Variants in RFX7 observed in about 807,000 individuals in gnomAD.
RFX7 encodes regulatory factor X7.
Under a neutral mutation model 111.8 loss-of-function variants are expected in RFX7, and 26 were observed. The ratio of observed to expected loss-of-function variants is 0.23; its 90% CI spans 0.17 to 0.32. RFX7 has a LOEUF of 0.32. Ranked by LOEUF, RFX7 falls within the 10% of genes least tolerant of loss-of-function variation. The pLI is 1.00. For synonymous variants in RFX7, 624 were observed against 624.4 expected (o/e 1.00, Z 0.01); for missense variants, 1,573 against 1,772.9 (o/e 0.89, Z 2.02).
At chr15:56,193,570 T>G (rs1425501492) in intron 2 of RFX7, among the ~76,000 whole-genome samples, 1 of 152,186 alleles carries the variant, frequency 6.6e-6, no homozygotes, top group Non-Finnish European at 1.5e-5. Flanking sequence ...TGGTATTAGA[T>G]TTTAAAAAAC....
intron 3 of RFX7, among the ~76,000 whole-genome samples, chr15:56,148,692 T>G (rs1285601382): frequency 6.6e-6 from 1 of 152,236 alleles, no homozygotes; most frequent in Non-Finnish European, 1.5e-5. Context: ...TCTGCTCACC[T>G]ACATTTCTCA....
intron 2 of RFX7, among the ~76,000 whole-genome samples, chr15:56,204,351 G>A (rs2043228782): frequency 6.6e-6 from 1 of 152,034 alleles, no homozygotes; most frequent in African/African-American, 2.4e-5. Flanking sequence ...AACATACGTT[G>A]TATCTATTTG....
chr15:56,109,350 C>T (rs759449391), intron 5 of RFX7, among the ~76,000 whole-genome samples: 1 of 152,272 alleles, frequency 6.6e-6, no homozygotes, highest in African/African-American at 2.4e-5. Flanking sequence ...ACTCAGTGCT[C>T]ATTGGTGCCC....
chr15:56,232,710 G>A (rs2043578103), intron 2 of RFX7, among the ~76,000 whole-genome samples: 1 of 152,124 alleles, frequency 6.6e-6, no homozygotes, highest in South Asian at 2.1e-4. Context: ...TTGCTGCATA[G>A]AAATTGCTTC....
intron 2 of RFX7, among the ~76,000 whole-genome samples, chr15:56,221,679 A>G (rs900867689): frequency 2.6e-5 from 4 of 151,776 alleles, no homozygotes; most frequent in African/African-American, 9.7e-5. Flanking sequence ...TATCACCTCT[A>G]TTGGCTTTTT....
intron 5 of RFX7, among the ~76,000 whole-genome samples, chr15:56,115,933 A>T (rs2042003660): frequency 6.8e-6 from 1 of 146,590 alleles, no homozygotes; most frequent in Non-Finnish European, 1.5e-5. Context: ...ACAGAGCGAG[A>T]CTCCGTCTCA....
intron 5 of RFX7, among the ~76,000 whole-genome samples, chr15:56,131,029 G>A (rs1037496242): frequency 6.6e-6 from 1 of 151,792 alleles, no homozygotes; most frequent in East Asian, 1.9e-4. Flanking sequence ...CTGTTCCAGA[G>A]CACAGAAAAT....
chr15:56,087,925 G>A lies in RFX7; in HGVS notation c.*5420C>T. On this transcript the variant is annotated 3_prime_UTR_variant, in exon 10 of 10. Transcript: ENST00000559447. ...GAGTATACCTGTATGAAATATGCTT[G>A]AAAAGCTGTGTGGAAAACAAAATTT... is the stretch of plus-strand genomic sequence containing the variant. 1 of 331,500 alleles carries A rather than the reference G, an allele frequency of 3.0e-6. No individual in the cohort carries two copies. Among genetic ancestry groups the A allele is most frequent in the Non-Finnish European group, 5.9e-6 (1 of 170,428 alleles). 20.5% of individuals were successfully genotyped at this position (331,500 alleles called of 1,614,324 possible).
At chr15:56,141,345 G>C (rs759084262) in intron 5 of RFX7, among the ~76,000 whole-genome samples, 1 of 151,798 alleles carries the variant, frequency 6.6e-6, no homozygotes, top group Non-Finnish European at 1.5e-5. Context: ...CAGCCTAGGT[G>C]ACAAGAGTTA....
chr15:56,096,686 GTA>G (rs1213431257), intron 9 of RFX7, 66 bp from the exon 10 acceptor site: 1 of 1,422,044 alleles, frequency 7.0e-7, no homozygotes, highest in East Asian at 2.5e-5. Context: ...TCATGTATCT[GTA>G]TATACTTTTA....
intron 5 of RFX7, among the ~76,000 whole-genome samples, chr15:56,133,410 C>T (rs1367743668): frequency 1.3e-5 from 2 of 151,970 alleles, no homozygotes; most frequent in Non-Finnish European, 2.9e-5. Flanking sequence ...GACACAAATA[C>T]ATCTAAATAC....
At chr15:56,174,106 C>T (rs185907894) in intron 3 of RFX7, among the ~76,000 whole-genome samples, 121 of 151,478 alleles carry the variant, frequency 8.0e-4, no homozygotes, top group Non-Finnish European at 1.4e-3. Flanking sequence ...GGTGAAACCC[C>T]GTCTCTACTA....
At chr15:56,162,023 C>G (rs2042725726) in intron 3 of RFX7, among the ~76,000 whole-genome samples, 1 of 151,974 alleles carries the variant, frequency 6.6e-6, no homozygotes, top group South Asian at 2.1e-4. Flanking sequence ...TTTCTGTGTG[C>G]TATTTGAAAA....
rs1258860200 is a variant in RFX7, at chr15:56,093,125, T to C, written c.*220A>G. On this transcript the variant is annotated 3_prime_UTR_variant, in exon 10 of 10. Transcript: ENST00000559447. Reference sequence around the variant, plus strand: ...TGAATAAATGGGGCACATTATAAAATTTAAAACCTAATACTTGTTCTTCTA... The same window carrying C: ...TGAATAAATGGGGCACATTATAAAACTTAAAACCTAATACTTGTTCTTCTA... 1 of 473,136 alleles carries C rather than the reference T, an allele frequency of 2.1e-6. No homozygotes were observed. Among genetic ancestry groups the C allele is most frequent in the East Asian group, 3.1e-5 (1 of 31,832 alleles). 29.3% of individuals were successfully genotyped at this position (473,136 alleles called of 1,614,324 possible). A position where few individuals can be genotyped will look rare whatever the true frequency, so the allele number is the denominator to read the frequency against.
intron 2 of RFX7, among the ~76,000 whole-genome samples, chr15:56,241,806 C>T (rs1440348780): frequency 6.6e-6 from 1 of 152,110 alleles, no homozygotes; most frequent in Non-Finnish European, 1.5e-5. Flanking sequence ...CAAAAAAATT[C>T]TCCTTTAAAA....
intron 3 of RFX7, among the ~76,000 whole-genome samples, chr15:56,178,246 A>C (rs1343573957): frequency 2.6e-5 from 4 of 151,640 alleles, no homozygotes; most frequent in Non-Finnish European, 5.9e-5. Context: ...AAAAAGAAAA[A>C]CACCTCCACA....
chr15:56,177,949 A>G (rs1183141762), intron 3 of RFX7, among the ~76,000 whole-genome samples: 1 of 152,102 alleles, frequency 6.6e-6, no homozygotes, highest in Non-Finnish European at 1.5e-5. Context: ...ATATCTCTCT[A>G]TAACAGACTA....
intron 2 of RFX7, among the ~76,000 whole-genome samples, chr15:56,203,689 T>G (rs1004922621): frequency 1.5e-4 from 23 of 152,084 alleles, no homozygotes; most frequent in Non-Finnish European, 2.1e-4. Context: ...GAGAGTGACC[T>G]CTGGTCATCC....
intron 2 of RFX7, among the ~76,000 whole-genome samples, chr15:56,217,335 A>T (rs1300098957): frequency 6.6e-6 from 1 of 152,146 alleles, no homozygotes; most frequent in Non-Finnish European, 1.5e-5. Flanking sequence ...ATTTTCCCTA[A>T]TTATCTCAAG....
Sources: gnomAD v4.1 joint callset for allele counts (sites outside exome capture counted in the v4.1 genomes callset) on GRCh38, gnomAD v4.1.1 for gene constraint, MANE v1.5 for transcripts, NCBI Gene and HGNC (gene_info 2026-07-23, HGNC 2026-07-21) for gene names.